SEMA3A: variants seen among roughly 807,000 people sequenced by gnomAD.
SEMA3A encodes the protein semaphorin 3A, also known as semaphorin-3A.
SEMA3A carries 29 observed loss-of-function variants against 97.9 expected under a neutral mutation model. The ratio of observed to expected loss-of-function variants is 0.30; its 90% CI spans 0.22 to 0.40. The LOEUF (loss-of-function observed/expected upper bound fraction) is 0.40. Ranked by LOEUF, SEMA3A falls within the 10% of genes least tolerant of loss-of-function variation. The pLI is 1.00. For synonymous variants in SEMA3A, 321 were observed against 323.7 expected, an observed-to-expected ratio of 0.99 and a Z score of 0.09; for missense variants, 763 against 951.3, an observed-to-expected ratio of 0.80 and a Z score of 2.60.
At chr7:84,360,605 A>G (rs1584264295) in intron 2 of SEMA3A, among the ~76,000 whole-genome samples, 1 of 152,212 alleles carries the variant, frequency 6.6e-6, no homozygotes, top group Admixed American at 6.6e-5. Flanking sequence ...TAAAACTATT[A>G]GCACATTTTT....
chr7:84,320,208 C>T lies in SEMA3A; in HGVS notation c.-168-12916G>A, dbSNP rs1168753356. ...TATGGTTAGTCTTAATAATACCTTACAGGGTATATATATTATAATCTCCTT... is the reference window on the plus strand; with the variant it reads ...TATGGTTAGTCTTAATAATACCTTATAGGGTATATATATTATAATCTCCTT... On this transcript the variant is annotated intron_variant, in intron 2 of 3. Transcript: ENST00000424555. Among the ~76,000 whole-genome samples the T allele has an allele frequency of 3.9e-5, 6 of 152,070 alleles. No individual in the cohort carries two copies. The South Asian group carries it at 8.3e-4, about 21-fold the overall frequency.
intron 1 of SEMA3A, among the ~76,000 whole-genome samples, chr7:84,422,428 C>G: frequency 6.6e-6 from 1 of 151,752 alleles, no homozygotes; most frequent in East Asian, 1.9e-4. Flanking sequence ...ATTGGTCTGG[C>G]TATCCATCTA....
intron 1 of SEMA3A, among the ~76,000 whole-genome samples, chr7:84,466,605 AAC>A (rs1806005562): frequency 6.6e-6 from 1 of 152,224 alleles, no homozygotes; most frequent in South Asian, 2.1e-4. Flanking sequence ...AAAAGCCAAA[AAC>A]ACAGCCTCAA....
chr7:84,314,839 C>A (rs559009947), intron 2 of SEMA3A, among the ~76,000 whole-genome samples: 2 of 151,754 alleles, frequency 1.3e-5, no homozygotes, highest in African/African-American at 2.4e-5. Context: ...AGCTAAGACT[C>A]GATTAGAAAG....
chr7:84,315,604 AG>A, intron 2 of SEMA3A, among the ~76,000 whole-genome samples: 1 of 152,298 alleles, frequency 6.6e-6, no homozygotes, highest in African/African-American at 2.4e-5. Context: ...CTTAAAAAAA[AG>A]ATGAAACTGA....
rs192356737 is a variant in SEMA3A at position 84,359,783 on chromosome 7, T to C, written c.-169+12041A>G. Among the ~76,000 whole-genome samples, 105 of 152,298 alleles carry C rather than the reference T, an allele frequency of 6.9e-4. 1 individual carries two copies. Among genetic ancestry groups the C allele is most frequent in the Middle Eastern group, 3.4e-3 (1 of 294 alleles). On this transcript the variant is annotated intron_variant, in intron 2 of 3. Transcript: ENST00000424555. Reference sequence around the variant, plus strand: ...CATCTGGTTCTGGACATTTTTTGCTTGGTAAGCTATTAATTATTGCCTCAA... The same window carrying C: ...CATCTGGTTCTGGACATTTTTTGCTCGGTAAGCTATTAATTATTGCCTCAA...
chr7:84,086,604 A>ATAATGTATTATTATATTATATTTAC (rs1382445049), intron 4 of SEMA3A, among the ~76,000 whole-genome samples: 1 of 141,498 alleles, frequency 7.1e-6, no homozygotes, highest in Non-Finnish European at 1.5e-5. Context: ...TTATATTTAT[A>ATAATGTATTATTATATTATATTTAC]ATCCTCACAA....
chr7:84,136,169 A>G (rs1330131239), intron 1 of SEMA3A, among the ~76,000 whole-genome samples: 1 of 152,156 alleles, frequency 6.6e-6, no homozygotes, highest in African/African-American at 2.4e-5. Flanking sequence ...CTTAGTAGGA[A>G]ATTTTCATCA....
At chr7:83,999,312 A>T (rs1481452711) in intron 12 of SEMA3A, among the ~76,000 whole-genome samples, 1 of 152,138 alleles carries the variant, frequency 6.6e-6, no homozygotes. Context: ...TAATGTACTA[A>T]ACAACATAGC....
intron 4 of SEMA3A, among the ~76,000 whole-genome samples, chr7:84,100,121 A>T (rs535247787): frequency 2.0e-5 from 3 of 152,110 alleles, no homozygotes; most frequent in Non-Finnish European, 4.4e-5. Context: ...CTGTCTTCCA[A>T]ATCTATCAAT....
chr7:84,148,883 TAGA>T (rs1796543488), intron 1 of SEMA3A, among the ~76,000 whole-genome samples: 1 of 152,194 alleles, frequency 6.6e-6, no homozygotes, highest in African/African-American at 2.4e-5. Flanking sequence ...CTTACTTCAT[TAGA>T]AGAATATAGT....
intron 4 of SEMA3A, among the ~76,000 whole-genome samples, chr7:84,104,059 A>T (rs1463331613): frequency 6.6e-6 from 1 of 152,040 alleles, no homozygotes; most frequent in East Asian, 1.9e-4. Context: ...GCTTTGATCC[A>T]AACTAGGTAT....
intron 3 of SEMA3A, among the ~76,000 whole-genome samples, chr7:84,297,277 G>A (rs777807113): frequency 3.3e-4 from 50 of 152,048 alleles, no homozygotes; most frequent in Non-Finnish European, 5.7e-4. Flanking sequence ...GTGCCCAGCC[G>A]AGTTTTTAAT....
intron 1 of SEMA3A, among the ~76,000 whole-genome samples, chr7:84,174,000 C>T (rs886132911): frequency 2.0e-5 from 3 of 152,064 alleles, no homozygotes; most frequent in Non-Finnish European, 4.4e-5. Flanking sequence ...GGAGCAGTTG[C>T]TAATAAAGAT....
In SEMA3A at chr7:84,194,595, C is replaced by T. The variant is rs372888867; in HGVS notation, c.-9G>A. 36 of 1,531,568 alleles carry T rather than the reference C, an allele frequency of 2.4e-5. 1 individual carries two copies. Among genetic ancestry groups the T allele is most frequent in the Non-Finnish European group, 3.2e-5 (35 of 1,105,412 alleles). The allele number at this position is 1,531,568 out of a possible 1,614,324, so 94.9% of individuals were successfully genotyped here. ...CTAGTTAACCAGCCCATGCTGCAGA[C>T]GCTGTAGGTCCCTTTGCTGCTTTAG... On this transcript the variant is annotated 5_prime_UTR_variant, in exon 1 of 17. Coordinates refer to ENST00000265362, the MANE Select transcript of SEMA3A (RefSeq NM_006080.3).
intron 3 of SEMA3A, among the ~76,000 whole-genome samples, chr7:84,259,862 G>C (rs1046026631): frequency 6.6e-6 from 1 of 151,408 alleles, no homozygotes; most frequent in Non-Finnish European, 1.5e-5. Flanking sequence ...AGCAAGTAGA[G>C]AAATTGGCAT....
intron 1 of SEMA3A, among the ~76,000 whole-genome samples, chr7:84,414,394 TA>T (rs34408044): frequency 0.16 from 17,989 of 112,102 alleles, 1,257 homozygotes; most frequent in East Asian, 0.36. Flanking sequence ...TGGCTAAAAG[TA>T]AAAAAAAAAA....
intron 1 of SEMA3A, among the ~76,000 whole-genome samples, chr7:84,402,392 G>T (rs566724771): frequency 6.6e-6 from 1 of 152,118 alleles, no homozygotes; most frequent in Non-Finnish European, 1.5e-5. Flanking sequence ...GTACACTGTT[G>T]GTGAGAATAT....
intron 1 of SEMA3A, among the ~76,000 whole-genome samples, chr7:84,154,953 G>A (rs1193156925): frequency 6.6e-6 from 1 of 151,634 alleles, no homozygotes; most frequent in African/African-American, 2.4e-5. Flanking sequence ...GGTTTATTTC[G>A]AGGCCAATTA....
Sources: gnomAD v4.1 joint callset for allele counts (sites outside exome capture counted in the v4.1 genomes callset) on GRCh38, gnomAD v4.1.1 for gene constraint, MANE v1.5 for transcripts, NCBI Gene and HGNC (gene_info 2026-07-23, HGNC 2026-07-21) for gene names.